DOCK9: variants seen among roughly 807,000 people sequenced by gnomAD.
DOCK9 encodes the protein dedicator of cytokinesis 9.
Under a neutral mutation model 263.3 loss-of-function variants are expected in DOCK9, and 89 were observed. That is an observed-to-expected ratio of 0.34 (90% CI 0.28 to 0.40). The LOEUF is 0.40. DOCK9 is among the 10% of genes least tolerant of loss of function. The pLI is 1.00. For synonymous variants in DOCK9, 976 were observed against 973.1 expected, an observed-to-expected ratio of 1.00 and a Z score of -0.06; for missense variants, 2,140 against 2,603.4, an observed-to-expected ratio of 0.82 and a Z score of 3.87.
rs1360362661 is a variant in DOCK9, at chr13:98,886,445, C to T, written c.2136+87G>A. 4 of 1,024,680 alleles carry T rather than the reference C, an allele frequency of 3.9e-6. No homozygotes were observed. In the African/African-American group the frequency reaches 6.4e-5, roughly 16 times the overall value. The allele number at this position is 1,024,680 out of a possible 1,614,324, so 63.5% of individuals were successfully genotyped here. A position where few individuals can be genotyped will look rare whatever the true frequency, so the allele number is the denominator to read the frequency against. On this transcript the variant is annotated intron_variant, in intron 19 of 52. Coordinates refer to ENST00000682017, the MANE Select transcript of DOCK9 (RefSeq NM_001366683.2). The stretch of plus-strand genomic sequence containing the variant: ...GTAATTTCAGTGTAATATGCAGCTT[C>T]TCTTGAATTTTCCTTTACCAGGCAA...
chr13:99,015,993 T>G (rs1885353885), intron 1 of DOCK9: 1 of 167,638 alleles, frequency 6.0e-6, no homozygotes, highest in African/African-American at 2.4e-5. Flanking sequence ...GTTCTGAATC[T>G]CAGAACCTGC....
At chr13:98,813,133 T>G (rs1185048821) in intron 45 of DOCK9, among the ~76,000 whole-genome samples, 1 of 152,188 alleles carries the variant, frequency 6.6e-6, no homozygotes, top group Non-Finnish European at 1.5e-5. Flanking sequence ...ACTTAACAGT[T>G]TTAGTAGCTT....
intron 1 of DOCK9, among the ~76,000 whole-genome samples, chr13:99,011,469 T>C (rs984560942): frequency 1.3e-5 from 2 of 152,206 alleles, no homozygotes; most frequent in East Asian, 1.9e-4. Context: ...AACCAGACTG[T>C]ATATAAAATG....
chr13:99,085,805 C>T (rs2042307254), intron 1 of DOCK9, among the ~76,000 whole-genome samples: 1 of 147,502 alleles, frequency 6.8e-6, no homozygotes. Context: ...CTCAATTCCC[C>T]TGCGCCCCTC....
Position 98,853,221 on chromosome 13 carries a change from A to AAGTGGGC in DOCK9, c.3946+186_3946+187insGCCCACT, listed in dbSNP as rs1467268605. 4.6e-5 allele frequency among the ~76,000 whole-genome samples: 7 copies of AAGTGGGC among 152,244 alleles called. No individual in the cohort carries two copies. The East Asian group carries it at 1.3e-3, about 29-fold the overall frequency. ...ATTAAGGAAATGATTTTCCCACAAT[A>AAGTGGGC]AGGTTCTTATTTCTAAGAACCTTAG... is the stretch of plus-strand genomic sequence containing the variant. On this transcript the variant is annotated intron_variant, in intron 35 of 52. Coordinates refer to ENST00000682017, the MANE Select transcript of DOCK9 (RefSeq NM_001366683.2).
rs2090474820 is a variant in DOCK9, at chr13:98,804,584, G to A, written c.5725+415C>T. Among the ~76,000 whole-genome samples the A allele has an allele frequency of 3.2e-5, 4 of 125,722 alleles. 1 individual carries two copies. The highest frequency in any genetic ancestry group is 2.4e-4 in the South Asian group (1 of 4,152). 82.5% of individuals were successfully genotyped at this position (125,722 alleles called of 152,430 possible). On this transcript the variant is annotated intron_variant, in intron 49 of 52. Transcript: ENST00000682017. The stretch of plus-strand genomic sequence containing the variant: ...TCCCATTTACTCACAGCCTGAGACC[G>A]CTGAGCAGGCCATGCTAGAACCTGA...
chr13:99,015,871 G>GTATCGTT (rs1235889275), intron 1 of DOCK9: 6 of 894,842 alleles, frequency 6.7e-6, no homozygotes, highest in Admixed American at 4.7e-5. Context: ...AACCTTTAAA[G>GTATCGTT]TATCGTTTTT....
At chr13:99,073,160 C>T (rs2041756120) in intron 1 of DOCK9, among the ~76,000 whole-genome samples, 1 of 152,108 alleles carries the variant, frequency 6.6e-6, no homozygotes, top group African/African-American at 2.4e-5. Context: ...CCATCGCAAC[C>T]AGATATTCTG....
rs555182515 is a variant in DOCK9, at chr13:98,889,828, A to G, written c.1710-1117T>C. ...TATTACAGAGCCTGGAACTGCATAC[A>G]TCTGGCCAGTGTGGGTGCACAGCTG... On this transcript the variant is annotated intron_variant, in intron 15 of 52. Coordinates refer to ENST00000682017, the MANE Select transcript of DOCK9 (RefSeq NM_001366683.2). 5.9e-5 allele frequency among the ~76,000 whole-genome samples: 9 copies of G among 152,258 alleles called. No homozygotes were observed. In the East Asian group the frequency reaches 1.7e-3, roughly 29 times the overall value.
chr13:98,805,969 A>G (rs1460331680), intron 48 of DOCK9, among the ~76,000 whole-genome samples: 5 of 152,190 alleles, frequency 3.3e-5, no homozygotes, highest in Non-Finnish European at 5.9e-5. Context: ...CATGTTGGTC[A>G]GGCTGGTCTC....
At chr13:98,987,256 A>G (rs1355252586) in intron 1 of DOCK9, among the ~76,000 whole-genome samples, 1 of 152,266 alleles carries the variant, frequency 6.6e-6, no homozygotes, top group Non-Finnish European at 1.5e-5. Context: ...ATCACATTGT[A>G]TCCCATAAAT....
At chr13:98,897,425 T>G in intron 15 of DOCK9, 63 bp downstream of exon 15, 3 of 1,589,732 alleles carry the variant, frequency 1.9e-6, no homozygotes, top group Non-Finnish European at 2.6e-6. Flanking sequence ...TGCTCCCCTG[T>G]TCCTCCCTCC....
intron 1 of DOCK9, among the ~76,000 whole-genome samples, chr13:98,963,395 C>T (rs2058867984): frequency 6.6e-6 from 1 of 152,192 alleles, no homozygotes; most frequent in Non-Finnish European, 1.5e-5. Context: ...GCACAATGTT[C>T]GCCCACAAAC....
At chr13:99,037,011 G>A (rs538602897) in intron 1 of DOCK9, among the ~76,000 whole-genome samples, 29 of 152,128 alleles carry the variant, frequency 1.9e-4, no homozygotes, top group Non-Finnish European at 3.4e-4. Flanking sequence ...CCCTCATAGA[G>A]CTCAGACTCT....
At position 98,867,666 on chromosome 13, in the gene DOCK9, T is replaced by C. The variant is rs867432085; in HGVS notation, c.3175-130A>G. ...GACCTTCTTAGAACTGCACACTCTATTGCACTGTACAGATTTCAGGATGGC... is the reference window on the plus strand; with the variant it reads ...GACCTTCTTAGAACTGCACACTCTACTGCACTGTACAGATTTCAGGATGGC... On this transcript the variant is annotated intron_variant, in intron 29 of 52. Transcript: ENST00000682017. 11 of 693,116 alleles carry C rather than the reference T, an allele frequency of 1.6e-5. No individual in the cohort carries two copies. The Middle Eastern group carries it at 8.3e-4, about 52-fold the overall frequency. The allele number at this position is 693,116 out of a possible 1,614,324, so 42.9% of individuals were successfully genotyped here. A position where few individuals can be genotyped will look rare whatever the true frequency, so the allele number is the denominator to read the frequency against.
chr13:98,828,358 CAT>C (rs1296729938), intron 43 of DOCK9, among the ~76,000 whole-genome samples: 1 of 152,172 alleles, frequency 6.6e-6, no homozygotes, highest in Non-Finnish European at 1.5e-5. Context: ...ACCTAGGCCA[CAT>C]ATGTCATTAA....
At chr13:98,860,082 C>T in intron 33 of DOCK9, 1 of 778,504 alleles carries the variant, frequency 1.3e-6, no homozygotes, top group Non-Finnish European at 1.7e-6. Context: ...CCCCCCACCA[C>T]CTGCAAAAAT....
chr13:98,962,637 TAA>T (rs879444282), intron 1 of DOCK9, among the ~76,000 whole-genome samples: 27 of 127,318 alleles, frequency 2.1e-4, no homozygotes, highest in African/African-American at 6.3e-4. Context: ...TGATAGGTTT[TAA>T]AAAAAAAAAA....
At chr13:99,037,518 T>C (rs1888014099) in intron 1 of DOCK9, among the ~76,000 whole-genome samples, 1 of 152,178 alleles carries the variant, frequency 6.6e-6, no homozygotes, top group Non-Finnish European at 1.5e-5. Flanking sequence ...GGTGGAAATA[T>C]AAAACGATAT....
Sources: allele counts gnomAD v4.1 joint callset (sites outside exome capture counted in the v4.1 genomes callset), GRCh38; gene constraint gnomAD v4.1.1; transcripts MANE v1.5; gene names NCBI Gene and HGNC (gene_info 2026-07-23, HGNC 2026-07-21).